The following AK9 variants were observed in gnomAD, a reference collection of about 807,000 sequenced individuals.
AK9 encodes the protein adenylate kinase domain containing 1.
In AK9, 191 loss-of-function variants were observed where a neutral mutation model predicts 239.6. The observed-to-expected ratio is 0.80, with a 90% CI of 0.71 to 0.90. The LOEUF (loss-of-function observed/expected upper bound fraction) is 0.90. AK9 is among the 40% of genes least tolerant of loss of function. AK9 has a pLI of 0.00. For missense variants in AK9, 1,995 were observed against 2,214.7 expected (o/e 0.90, Z 1.99); for synonymous variants, 689 against 721.0 (o/e 0.96, Z 0.71).
intron 32 of AK9, 80 bp downstream of exon 32, chr6:109,514,144 G>A: frequency 7.7e-7 from 1 of 1,301,412 alleles, no homozygotes; most frequent in Non-Finnish European, 1.1e-6. Context: ...CCAGTGTCTT[G>A]GTGAATTGAC....
intron 1 of AK9, among the ~76,000 whole-genome samples, chr6:109,686,819 C>T (rs890200279): frequency 1.3e-5 from 2 of 152,204 alleles, no homozygotes; most frequent in African/African-American, 4.8e-5. Context: ...CCACTATGAG[C>T]TGGTTATGTC....
In AK9 at chr6:109,674,259, AC is replaced by A; in HGVS notation, c.119del (p.Gly40ValfsTer7). ...PVCFVVFGKP[G>X]VGKTTLARYI... Reference sequence around the variant, plus strand: ...AACGGGCTAATGTTGTTTTCCCAACACCCTTAAAAAGAAAAATGTTATTTAA... The same window carrying A: ...AACGGGCTAATGTTGTTTTCCCAACACCTTAAAAAGAAAAATGTTATTTAA... On this transcript the variant is annotated frameshift_variant and splice_region_variant, in exon 3 of 41. Transcript: ENST00000424296. LOFTEE classifies it high-confidence loss of function. 1 of 1,560,474 alleles carries A rather than the reference AC, an allele frequency of 6.4e-7. No individual in the cohort carries two copies. The highest frequency in any genetic ancestry group is 1.2e-5 in the South Asian group (1 of 81,486).
intron 27 of AK9, among the ~76,000 whole-genome samples, 197 bp downstream of exon 27, chr6:109,541,849 AT>A (rs1253595142): frequency 2.0e-5 from 3 of 152,224 alleles, no homozygotes; most frequent in Non-Finnish European, 4.4e-5. Flanking sequence ...AAATTCAATT[AT>A]TTTGGTGTGG....
intron 18 of AK9, 56 bp from the exon 19 acceptor site, chr6:109,585,293 G>A: frequency 1.7e-6 from 1 of 594,454 alleles, no homozygotes; most frequent in African/African-American, 2.0e-5. Context: ...AATACAGTGA[G>A]ATGTATTTTG....
At chr6:109,574,687 T>C (rs1226289304) in intron 20 of AK9, among the ~76,000 whole-genome samples, 3 of 152,146 alleles carry the variant, frequency 2.0e-5, no homozygotes, top group Non-Finnish European at 2.9e-5. Flanking sequence ...CAGTCTTTTT[T>C]TTAACATCTG....
At chr6:109,665,610 G>A (rs1044957243) in intron 5 of AK9, among the ~76,000 whole-genome samples, 8 of 152,122 alleles carry the variant, frequency 5.3e-5, no homozygotes, top group African/African-American at 1.9e-4. Context: ...TCTGGGACAC[G>A]ATGGCTGGCA....
intron 5 of AK9, among the ~76,000 whole-genome samples, chr6:109,664,299 C>A (rs897425768): frequency 9.2e-5 from 14 of 152,074 alleles, no homozygotes; most frequent in African/African-American, 1.4e-4. Flanking sequence ...TAATGCAATG[C>A]CTAGAATAGC....
intron 1 of AK9, among the ~76,000 whole-genome samples, chr6:109,687,694 A>G (rs1279341848): frequency 6.6e-6 from 1 of 152,210 alleles, no homozygotes; most frequent in Non-Finnish European, 1.5e-5. Flanking sequence ...ATGGAAGCAC[A>G]TCTCAGCCAA....
At chr6:109,560,802 C>G (rs528870063) in intron 24 of AK9, among the ~76,000 whole-genome samples, 21 of 152,096 alleles carry the variant, frequency 1.4e-4, no homozygotes, top group African/African-American at 4.8e-4. Context: ...AGGAAGTATT[C>G]TCTCCTCTTC....
At chr6:109,658,432 A>T (rs138616165) in intron 7 of AK9, among the ~76,000 whole-genome samples, 2 of 152,276 alleles carry the variant, frequency 1.3e-5, no homozygotes, top group Non-Finnish European at 2.9e-5. Context: ...TAATTTCAGA[A>T]AGTGATTAAG....
At chr6:109,536,472 G>A (rs1782008825) in intron 27 of AK9, among the ~76,000 whole-genome samples, 1 of 152,206 alleles carries the variant, frequency 6.6e-6, no homozygotes, top group African/African-American at 2.4e-5. Flanking sequence ...AGACTTTGCT[G>A]AAGTTGCTTA....
chr6:109,521,135 A>G (rs956975194), intron 29 of AK9, among the ~76,000 whole-genome samples: 1 of 152,090 alleles, frequency 6.6e-6, no homozygotes. Flanking sequence ...TAACAGCCAC[A>G]TAGTATTTCA....
In AK9 at chr6:109,533,319, A is replaced by G. The variant is rs1781524406; in HGVS notation, c.3502T>C (p.Trp1168Arg). The change falls in exon 28 of 41, where the codon TGG (tryptophan) becomes CGG (arginine). Residue 1168 changes from tryptophan to arginine, a missense_variant. By Grantham distance (101) the Trp-to-Arg change is moderately radical (BLOSUM62 -3). This residue lies in a region of AK9 where 1,290 missense variants were observed against 1,392.7 expected (regional missense o/e 0.93). Coordinates refer to ENST00000424296, the MANE Select transcript of AK9 (RefSeq NM_001145128.3). ...AATTTCTTCTTTTGTTTTAGTTTCC[A>G]CTTTTCAATTTGGGCAGGAAGGAGG... is the stretch of plus-strand genomic sequence containing the variant. ...DRLLPAQIEK[W>R]KLKQKKKLER... 2.5e-6 allele frequency: 4 copies of G among 1,612,138 alleles called. No individual in the cohort carries two copies. The highest frequency in any genetic ancestry group is 3.4e-6 in the Non-Finnish European group (4 of 1,179,364).
chr6:109,547,714 A>G (rs1783752742), intron 25 of AK9, among the ~76,000 whole-genome samples: 1 of 152,112 alleles, frequency 6.6e-6, no homozygotes, highest in Admixed American at 6.6e-5. Context: ...TTAACCTAAA[A>G]AAACCTCTGT....
chr6:109,496,280 C>G (rs1012842188), intron 38 of AK9, among the ~76,000 whole-genome samples: 1 of 152,192 alleles, frequency 6.6e-6, no homozygotes, highest in African/African-American at 2.4e-5. Flanking sequence ...GTGTGCAGTC[C>G]GGTTTGCACC....
chr6:109,533,202 A>G (rs770385428), intron 28 of AK9, 49 bp downstream of exon 28: 1 of 1,430,768 alleles, frequency 7.0e-7, no homozygotes, highest in East Asian at 2.3e-5. Flanking sequence ...ATAGATCACT[A>G]AACAGATGCT....
intron 17 of AK9, among the ~76,000 whole-genome samples, chr6:109,602,267 T>C (rs969736877): frequency 3.3e-5 from 5 of 152,182 alleles, no homozygotes; most frequent in African/African-American, 1.2e-4. Context: ...AGGGCAGGCC[T>C]GGTGGTGACA....
intron 27 of AK9, among the ~76,000 whole-genome samples, chr6:109,540,655 T>A (rs182080466): frequency 6.4e-4 from 98 of 152,286 alleles, no homozygotes; most frequent in Non-Finnish European, 1.1e-3. Context: ...ACCTGGTACC[T>A]CAGTTGGAAA....
At chr6:109,671,791 G>A in intron 5 of AK9, 128 bp downstream of exon 5, 1 of 711,046 alleles carries the variant, frequency 1.4e-6, no homozygotes, top group Non-Finnish European at 2.4e-6. Flanking sequence ...CTGTTCAACT[G>A]AATAGAGATA....
Sources: allele counts gnomAD v4.1 joint callset (sites outside exome capture counted in the v4.1 genomes callset), GRCh38; gene constraint gnomAD v4.1.1; regional missense constraint gnomAD v4.1.1; transcripts MANE v1.5; gene names NCBI Gene and HGNC (gene_info 2026-07-23, HGNC 2026-07-21).